Variants in TMEM132B observed in about 807,000 individuals in gnomAD.
TMEM132B encodes the protein transmembrane protein 132B.
A neutral mutation model predicts 90.8 loss-of-function variants in TMEM132B; 18 were observed. The ratio of observed to expected loss-of-function variants is 0.20; its 90% CI spans 0.14 to 0.29. The LOEUF (loss-of-function observed/expected upper bound fraction) is 0.29. Ranked by LOEUF, TMEM132B falls within the 10% of genes least tolerant of loss-of-function variation. The pLI is 1.00. For missense variants in TMEM132B, 1,096 were observed against 1,326.8 expected (o/e 0.83, Z 2.70); for synonymous variants, 504 against 523.3 (o/e 0.96, Z 0.50).
intron 1 of TMEM132B, among the ~76,000 whole-genome samples, chr12:125,230,761 C>G (rs1182961970): frequency 6.6e-6 from 1 of 151,834 alleles, no homozygotes; most frequent in Non-Finnish European, 1.5e-5. Flanking sequence ...GCCTCGGCCT[C>G]GCAAAGTGCT....
intron 1 of TMEM132B, among the ~76,000 whole-genome samples, chr12:125,337,282 CAAAT>C (rs1373495685): frequency 3.3e-5 from 5 of 152,268 alleles, no homozygotes; most frequent in Non-Finnish European, 5.9e-5. Context: ...GCTGCTGTGA[CAAAT>C]AAACTCCTAG....
At chr12:125,608,033 TA>T (rs1885738706) in intron 5 of TMEM132B, among the ~76,000 whole-genome samples, 1 of 152,210 alleles carries the variant, frequency 6.6e-6, no homozygotes, top group Non-Finnish European at 1.5e-5. Context: ...GTTTTATGAA[TA>T]AAGTCACTAT....
Position 125,580,218 on chromosome 12 carries a change from A to G in TMEM132B, c.1294-3633A>G, listed in dbSNP as rs115533897. 5.8e-3 allele frequency among the ~76,000 whole-genome samples: 885 copies of G among 152,280 alleles called. 4 individuals carry two copies. Among genetic ancestry groups the G allele is most frequent in the African/African-American group, 0.02 (850 of 41,554 alleles). Reference sequence around the variant, plus strand: ...TATGATTATGATCTTATAGATTCCCAGGAATATGTCATAGCCTTTCAAAGA... The same window carrying G: ...TATGATTATGATCTTATAGATTCCCGGGAATATGTCATAGCCTTTCAAAGA... On this transcript the variant is annotated intron_variant, in intron 4 of 8. Transcript: ENST00000682704.
intron 1 of TMEM132B, among the ~76,000 whole-genome samples, chr12:125,241,242 A>G (rs904858527): frequency 1.3e-5 from 2 of 152,230 alleles, no homozygotes; most frequent in Non-Finnish European, 2.9e-5. Context: ...AGTGGGGTAT[A>G]AAACAGGCAT....
chr12:125,517,656 A>G (rs542460081), intron 3 of TMEM132B, among the ~76,000 whole-genome samples: 1 of 152,210 alleles, frequency 6.6e-6, no homozygotes, highest in South Asian at 2.1e-4. Context: ...TGATTTTGAG[A>G]TCATCACAGT....
intron 5 of TMEM132B, among the ~76,000 whole-genome samples, chr12:125,640,113 CGCCACTTTCGGT>C (rs1886592459): frequency 6.6e-6 from 1 of 152,104 alleles, no homozygotes; most frequent in Admixed American, 6.5e-5. Flanking sequence ...GAGGAGGAGG[CGCCACTTTCGGT>C]GAGTCTCTTT....
intron 5 of TMEM132B, among the ~76,000 whole-genome samples, chr12:125,630,705 G>A (rs1219554647): frequency 2.0e-5 from 3 of 151,942 alleles, no homozygotes; most frequent in Non-Finnish European, 4.4e-5. Flanking sequence ...ACTACGCCTA[G>A]TACCCAATAT....
intron 1 of TMEM132B, among the ~76,000 whole-genome samples, chr12:125,331,184 G>C (rs1018125706): frequency 6.6e-6 from 1 of 152,224 alleles, no homozygotes; most frequent in Non-Finnish European, 1.5e-5. Context: ...GGCCTGGTCC[G>C]GGTGGGCTCA....
intron 3 of TMEM132B, among the ~76,000 whole-genome samples, chr12:125,515,296 TCATA>T (rs1883091940): frequency 6.6e-6 from 1 of 150,646 alleles, no homozygotes; most frequent in Non-Finnish European, 1.5e-5. Flanking sequence ...TCTCACACAC[TCATA>T]CACACTATTC....
intron 3 of TMEM132B, among the ~76,000 whole-genome samples, chr12:125,467,720 C>T (rs1881606166): frequency 6.6e-6 from 1 of 152,212 alleles, no homozygotes; most frequent in African/African-American, 2.4e-5. Flanking sequence ...ACTATTTCGT[C>T]ACCCTGTAAA....
At chr12:125,433,082 C>A (rs375876139) in intron 3 of TMEM132B, among the ~76,000 whole-genome samples, 2 of 152,214 alleles carry the variant, frequency 1.3e-5, no homozygotes, top group Non-Finnish European at 2.9e-5. Context: ...AAGAATGCCG[C>A]GTGCCCCACG....
chr12:125,608,250 G>A (rs1023366232), intron 5 of TMEM132B, among the ~76,000 whole-genome samples: 1 of 152,152 alleles, frequency 6.6e-6, no homozygotes, highest in Non-Finnish European at 1.5e-5. Context: ...CTCTCCAAAA[G>A]TTATTATCTT....
intron 2 of TMEM132B, among the ~76,000 whole-genome samples, chr12:125,363,976 C>A (rs898950358): frequency 6.6e-6 from 1 of 152,090 alleles, no homozygotes; most frequent in African/African-American, 2.4e-5. Context: ...TGGATAAATC[C>A]CCAAGATTTG....
intron 3 of TMEM132B, among the ~76,000 whole-genome samples, chr12:125,503,323 C>G (rs1882746027): frequency 6.6e-6 from 1 of 152,156 alleles, no homozygotes; most frequent in African/African-American, 2.4e-5. Context: ...GTCAGTTAGC[C>G]TGATGGCCAT....
At chr12:125,363,933 A>C (rs1249221993) in intron 2 of TMEM132B, among the ~76,000 whole-genome samples, 1 of 152,242 alleles carries the variant, frequency 6.6e-6, no homozygotes, top group East Asian at 1.9e-4. Flanking sequence ...TGAATGCTCT[A>C]CAGATATGAA....
At chr12:125,190,439 T>TA (rs1957790865) in intron 1 of TMEM132B, among the ~76,000 whole-genome samples, 2 of 27,166 alleles carry the variant, frequency 7.4e-5, no homozygotes, top group Admixed American at 4.4e-4. Context: ...GTGATGGTGA[T>TA]GGGAAGGGGT....
chr12:125,437,448 C>G (rs569205467), intron 3 of TMEM132B, among the ~76,000 whole-genome samples: 153 of 152,234 alleles, frequency 1.0e-3, no homozygotes, highest in African/African-American at 3.2e-3. Context: ...GGGTAGGTGC[C>G]TAGCAGTGGA....
At position 125,415,829 on chromosome 12, in the gene TMEM132B, G is replaced by A; in HGVS notation, c.1106+152G>A. 4.6e-6 allele frequency: 5 copies of A among 1,095,942 alleles called. No homozygotes were observed. The highest frequency in any genetic ancestry group is 6.2e-6 in the Non-Finnish European group (5 of 811,008). 67.9% of individuals were successfully genotyped at this position (1,095,942 alleles called of 1,614,324 possible). A position where few individuals can be genotyped will look rare whatever the true frequency, so the allele number is the denominator to read the frequency against. On this transcript the variant is annotated intron_variant, in intron 3 of 8. Coordinates refer to ENST00000682704, the MANE Select transcript of TMEM132B (RefSeq NM_001366854.1). The surrounding 1 kb of genome is among the most constrained non-coding windows in gnomAD (Gnocchi z 5.3). ...AGGTCGGCAGTCTCAAAAATCACCA[G>A]AGTTCACATTTATCACAGCGTCGGG...
intron 5 of TMEM132B, among the ~76,000 whole-genome samples, chr12:125,640,407 C>A (rs1378243047): frequency 2.0e-5 from 3 of 152,188 alleles, no homozygotes; most frequent in African/African-American, 7.2e-5. Flanking sequence ...GACATCAGAT[C>A]ATATCCTCAG....
Sources: gnomAD v4.1 joint callset for allele counts (sites outside exome capture counted in the v4.1 genomes callset) on GRCh38, gnomAD v4.1.1 for gene constraint, Gnocchi (gnomAD v3.1) non-coding constraint, MANE v1.5 for transcripts, NCBI Gene and HGNC (gene_info 2026-07-23, HGNC 2026-07-21) for gene names.